The following C6 variants were observed in gnomAD, a reference collection of about 807,000 sequenced individuals.
The protein encoded by C6 is complement component C6.
Under a neutral mutation model 112.9 loss-of-function variants are expected in C6, and 101 were observed. The observed-to-expected ratio is 0.89, with a 90% CI of 0.76 to 1.06. The LOEUF (loss-of-function observed/expected upper bound fraction) is 1.06. C6 is among the 50% of genes least tolerant of loss of function. The probability of loss-of-function intolerance (pLI) is 0.00; values close to 1 mark genes in which losing one functional copy is unlikely to be tolerated. For missense variants in C6, 1,202 were observed against 1,104.6 expected, an observed-to-expected ratio of 1.09 and a Z score of -1.25; for synonymous variants, 431 against 384.1, an observed-to-expected ratio of 1.12 and a Z score of -1.43.
chr5:41,261,195 A>C (rs1029894377), exon 1 of C6: 1 of 985,824 alleles, frequency 1.0e-6, no homozygotes, highest in Non-Finnish European at 1.2e-6. Flanking sequence ...AAAACTTACT[A>C]TGCATCTATG....
At chr5:41,172,629 T>A in intron 8 of C6, 1 of 493,858 alleles carries the variant, frequency 2.0e-6, no homozygotes, top group Non-Finnish European at 3.7e-6. Flanking sequence ...GCCCTTCCCA[T>A]GGGGATGGTG....
chr5:41,172,487 A>T, intron 8 of C6, 140 bp from the exon 9 acceptor site: 1 of 831,964 alleles, frequency 1.2e-6, no homozygotes, highest in Non-Finnish European at 2.0e-6. Flanking sequence ...ATCTTAAGTG[A>T]CAGCTCAAGT....
chr5:41,175,033 C>T (rs978485336), intron 8 of C6, among the ~76,000 whole-genome samples: 3 of 152,174 alleles, frequency 2.0e-5, no homozygotes, highest in Admixed American at 1.3e-4. Flanking sequence ...TCGAATACAT[C>T]TTACTGAGAG....
intron 17 of C6, among the ~76,000 whole-genome samples, chr5:41,144,889 T>A (rs150088284): frequency 6.6e-6 from 1 of 152,190 alleles, no homozygotes; most frequent in Non-Finnish European, 1.5e-5. Context: ...TCCAGCTCCA[T>A]CCATGTTGCT....
At chr5:41,210,789 G>A (rs527310897) in intron 1 of C6, among the ~76,000 whole-genome samples, 1 of 152,228 alleles carries the variant, frequency 6.6e-6, no homozygotes, top group East Asian at 1.9e-4. Context: ...ACTGTTGGTG[G>A]GACTGTAAAC....
At chr5:41,230,581 A>G (rs1171402243) in intron 1 of C6, among the ~76,000 whole-genome samples, 2 of 152,182 alleles carry the variant, frequency 1.3e-5, no homozygotes, top group African/African-American at 4.8e-5. Flanking sequence ...GTTTATCAAG[A>G]CAATGTGTGC....
At chr5:41,200,914 T>TTTTTTTTTTTTTTTTTTG (rs1750982393) in intron 3 of C6, among the ~76,000 whole-genome samples, 1 of 128,686 alleles carries the variant, frequency 7.8e-6, no homozygotes, top group Non-Finnish European at 1.7e-5. Flanking sequence ...TTTTTTTTTT[T>TTTTTTTTTTTTTTTTTTG]TTTTAGTACG....
intron 1 of C6, among the ~76,000 whole-genome samples, chr5:41,227,653 A>G (rs1419627200): frequency 2.0e-5 from 3 of 152,108 alleles, no homozygotes; most frequent in South Asian, 4.1e-4. Flanking sequence ...TTTGTATACA[A>G]TGTGAGATAA....
At position 41,201,029 on chromosome 5, in the gene C6, AC is replaced by A. The variant is rs1750995457; in HGVS notation, c.300+528del. On this transcript the variant is annotated intron_variant, in intron 3 of 17. Transcript: ENST00000337836. Reference sequence around the variant, plus strand: ...ACAGTGGAGTATTGTATATGTAAATACTTATCATAAATTTGTCTCATGAACA... The same window carrying A: ...ACAGTGGAGTATTGTATATGTAAATATTATCATAAATTTGTCTCATGAACA... Among the ~76,000 whole-genome samples, 4 of 151,280 alleles carry A rather than the reference AC, an allele frequency of 2.6e-5. No homozygotes were observed. The South Asian group carries it at 8.3e-4, about 31-fold the overall frequency.
rs186452129 is a variant in C6 at position 41,200,063 on chromosome 5, T to G, written c.301-151A>C. On this transcript the variant is annotated intron_variant, in intron 3 of 17. Coordinates refer to ENST00000337836, the MANE Select transcript of C6 (RefSeq NM_000065.5). ...AATGATTCTTCCAATTCCATTATTA[T>G]GCTCCCTTAGGGAAATAATCACCTC... is the stretch of plus-strand genomic sequence containing the variant. 50 of 757,824 alleles carry G rather than the reference T, an allele frequency of 6.6e-5. No homozygotes were observed. The African/African-American group carries it at 8.1e-4, about 12-fold the overall frequency. The allele number at this position is 757,824 out of a possible 1,614,324, so 46.9% of individuals were successfully genotyped here. A position where few individuals can be genotyped will look rare whatever the true frequency, so the allele number is the denominator to read the frequency against.
intron 14 of C6, 72 bp downstream of exon 14, chr5:41,154,900 A>AT (rs1746747143): frequency 6.8e-7 from 1 of 1,469,310 alleles, no homozygotes; most frequent in Admixed American, 1.7e-5. Context: ...TAAGGATGTG[A>AT]TTTTACTGTT....
chr5:41,221,390 C>T lies in C6; in HGVS notation c.-20-18140G>A, dbSNP rs144999389. On this transcript the variant is annotated intron_variant, in intron 1 of 17. Transcript: ENST00000263413. ...CTCAGTTATTACAATGGTGTATAGC[C>T]CTGTAAAGCTCAACCCTATCTGATG... 7.2e-5 allele frequency among the ~76,000 whole-genome samples: 11 copies of T among 152,186 alleles called. No homozygotes were observed. The East Asian group carries it at 2.1e-3, about 29-fold the overall frequency.
intron 9 of C6, among the ~76,000 whole-genome samples, chr5:41,167,482 T>A (rs1208743370): frequency 6.6e-6 from 1 of 152,156 alleles, no homozygotes; most frequent in Non-Finnish European, 1.5e-5. Flanking sequence ...CTTGATGGAT[T>A]CCTTAGTGCA....
In C6 at chr5:41,255,862, A is replaced by G. The variant is rs77201479; in HGVS notation, c.-21+5332T>C. 9.8e-3 allele frequency among the ~76,000 whole-genome samples: 1,491 copies of G among 152,336 alleles called. 32 individuals are homozygous for G. The highest frequency in any genetic ancestry group is 0.034 in the African/African-American group (1,416 of 41,576). ...CTTATTTTTATAGTTCAGCCTCTACAGAGGGAATAGTTCCCAGGTAAGGCA... is the reference window on the plus strand; with the variant it reads ...CTTATTTTTATAGTTCAGCCTCTACGGAGGGAATAGTTCCCAGGTAAGGCA... On this transcript the variant is annotated intron_variant, in intron 1 of 17. Transcript: ENST00000263413.
intron 1 of C6, among the ~76,000 whole-genome samples, chr5:41,209,857 T>A (rs1419464346): frequency 6.6e-6 from 1 of 152,076 alleles, no homozygotes; most frequent in Non-Finnish European, 1.5e-5. Flanking sequence ...ACAGAATTGG[T>A]AAAAACTACT....
intron 13 of C6, among the ~76,000 whole-genome samples, chr5:41,157,686 T>G (rs1487200947): frequency 6.6e-6 from 1 of 152,174 alleles, no homozygotes; most frequent in Admixed American, 6.5e-5. Context: ...TACCTAGGAA[T>G]GTATTAGCAA....
chr5:41,167,991 T>C (rs1413256473), intron 9 of C6, among the ~76,000 whole-genome samples: 1 of 152,178 alleles, frequency 6.6e-6, no homozygotes, highest in Non-Finnish European at 1.5e-5. Flanking sequence ...CCTGCCCTAA[T>C]TGAAGAAGAC....
Position 41,203,169 on chromosome 5 carries a change from G to A in C6, c.62C>T (p.Ala21Val), listed in dbSNP as rs770036049. Residue 21 changes from alanine to valine, a missense_variant, in exon 2 of 18, where the codon GCC becomes GTC. Ala to Val is a moderately conservative substitution (Grantham distance 64). Transcript: ENST00000337836. ...LLNALINKGQ[A>V]CFCDHYAWTQ... ...CCATGCATAGTGATCACAGAAGCAG[G>A]CTTGGCCCTTGTTGATCAGAGCATT... 7.2e-5 allele frequency: 117 copies of A among 1,614,100 alleles called. 4 individuals are homozygous for A. The Middle Eastern group carries it at 0.013, about 175-fold the overall frequency.
intron 8 of C6, among the ~76,000 whole-genome samples, chr5:41,175,080 C>T (rs1463168169): frequency 6.6e-6 from 1 of 152,200 alleles, no homozygotes; most frequent in Non-Finnish European, 1.5e-5. Flanking sequence ...TGCAGCTACT[C>T]ATATACCCTT....
Sources: allele counts gnomAD v4.1 joint callset (sites outside exome capture counted in the v4.1 genomes callset), GRCh38; gene constraint gnomAD v4.1.1; transcripts MANE v1.5; gene names NCBI Gene and HGNC (gene_info 2026-07-23, HGNC 2026-07-21).